VAT1L: variants seen among roughly 807,000 people sequenced by gnomAD.
VAT1L encodes the protein vesicle amine transport 1 like, also known as putative NADPH-dependent quinone oxidoreductase VAT1L.
VAT1L carries 34 observed loss-of-function variants against 44.1 expected under a neutral mutation model. The observed-to-expected ratio is 0.77, with a 90% CI of 0.59 to 1.03. The LOEUF (loss-of-function observed/expected upper bound fraction) is 1.03. VAT1L is among the 50% of genes least tolerant of loss of function. The pLI is 0.00. For synonymous variants in VAT1L, 253 were observed against 202.2 expected (o/e 1.25, Z -2.13); for missense variants, 615 against 538.8 (o/e 1.14, Z -1.40).
At chr16:77,895,569 G>A (rs1407376886) in intron 7 of VAT1L, among the ~76,000 whole-genome samples, 2 of 152,188 alleles carry the variant, frequency 1.3e-5, no homozygotes, top group South Asian at 2.1e-4. Context: ...GGAAGAGCCT[G>A]TAGAAGCCAG....
chr16:77,914,672 A>G (rs1156903400), intron 7 of VAT1L, among the ~76,000 whole-genome samples: 2 of 152,226 alleles, frequency 1.3e-5, no homozygotes, highest in Non-Finnish European at 1.5e-5. Context: ...ATCAGATTTA[A>G]TAACACCAAA....
At chr16:77,817,415 A>G (rs1197667400) in intron 2 of VAT1L, among the ~76,000 whole-genome samples, 2 of 152,192 alleles carry the variant, frequency 1.3e-5, no homozygotes, top group Non-Finnish European at 2.9e-5. Flanking sequence ...CAACTACAAA[A>G]CACAGAAGTG....
chr16:77,887,166 G>A (rs538578881), intron 7 of VAT1L, among the ~76,000 whole-genome samples: 3 of 152,108 alleles, frequency 2.0e-5, no homozygotes, highest in Admixed American at 6.6e-5. Flanking sequence ...AAAACAAAGG[G>A]GTGAAGAACA....
intron 7 of VAT1L, among the ~76,000 whole-genome samples, chr16:77,905,433 G>A (rs2017427718): frequency 6.6e-6 from 1 of 152,050 alleles, no homozygotes; most frequent in Non-Finnish European, 1.5e-5. Flanking sequence ...GGTTTTTTCA[G>A]AAGTTCCCTG....
intron 7 of VAT1L, among the ~76,000 whole-genome samples, chr16:77,927,168 C>G (rs1435050742): frequency 6.6e-6 from 1 of 151,806 alleles, no homozygotes; most frequent in Non-Finnish European, 1.5e-5. Context: ...GAAATCTCAT[C>G]TCTACTAAAA....
intron 7 of VAT1L, among the ~76,000 whole-genome samples, chr16:77,951,011 T>A (rs1203454421): frequency 6.6e-6 from 1 of 152,198 alleles, no homozygotes; most frequent in African/African-American, 2.4e-5. Flanking sequence ...AGCCATTGTA[T>A]AGGTTTTGGA....
At chr16:77,798,502 G>A (rs1344331766) in intron 1 of VAT1L, among the ~76,000 whole-genome samples, 2 of 152,178 alleles carry the variant, frequency 1.3e-5, no homozygotes, top group Non-Finnish European at 2.9e-5. Flanking sequence ...CAAGGATGTT[G>A]ATACATTTCA....
chr16:77,963,253 G>C (rs2018182971), intron 7 of VAT1L, among the ~76,000 whole-genome samples: 1 of 152,196 alleles, frequency 6.6e-6, no homozygotes, highest in East Asian at 1.9e-4. Flanking sequence ...GATTAAGTTA[G>C]GGACTTGGGG....
chr16:77,793,782 G>C (rs2015878710), intron 1 of VAT1L, among the ~76,000 whole-genome samples: 1 of 152,170 alleles, frequency 6.6e-6, no homozygotes, highest in Non-Finnish European at 1.5e-5. Flanking sequence ...AATGGGCTGA[G>C]GGCAGGCCAC....
At chr16:77,818,722 GC>G (rs1267002676) in intron 2 of VAT1L, among the ~76,000 whole-genome samples, 3 of 152,136 alleles carry the variant, frequency 2.0e-5, no homozygotes, top group African/African-American at 7.2e-5. Flanking sequence ...TTACTATCAA[GC>G]CCACCCATTA....
At chr16:77,887,284 T>C (rs1338909266) in intron 7 of VAT1L, among the ~76,000 whole-genome samples, 1 of 152,208 alleles carries the variant, frequency 6.6e-6, no homozygotes, top group Non-Finnish European at 1.5e-5. Context: ...TGGGTTTTAC[T>C]CTAAGCAGCA....
At chr16:77,804,607 C>A (rs962810223) in intron 1 of VAT1L, among the ~76,000 whole-genome samples, 2 of 152,162 alleles carry the variant, frequency 1.3e-5, no homozygotes, top group African/African-American at 4.8e-5. Flanking sequence ...TCACTTCCTC[C>A]CTCCTCTCTG....
chr16:77,966,659 C>T (rs2018225910), intron 7 of VAT1L, among the ~76,000 whole-genome samples: 1 of 152,092 alleles, frequency 6.6e-6, no homozygotes, highest in Non-Finnish European at 1.5e-5. Context: ...GCCATATTTT[C>T]AAAACTACAA....
chr16:77,908,420 C>T (rs186529036), intron 7 of VAT1L, among the ~76,000 whole-genome samples: 38 of 141,072 alleles, frequency 2.7e-4, no homozygotes, highest in East Asian at 1.1e-3. Context: ...GCCGAGATAG[C>T]GCCACTGCCC....
At chr16:77,874,501 GCCACACT>G (rs1429314520) in intron 4 of VAT1L, among the ~76,000 whole-genome samples, 2 of 152,050 alleles carry the variant, frequency 1.3e-5, no homozygotes, top group African/African-American at 2.4e-5. Context: ...TCATACTCCA[GCCACACT>G]GGCTGCTTCC....
chr16:77,920,023 G>C (rs1430975261), intron 7 of VAT1L, among the ~76,000 whole-genome samples: 1 of 152,158 alleles, frequency 6.6e-6, no homozygotes, highest in Non-Finnish European at 1.5e-5. Flanking sequence ...GGCAGAGATT[G>C]CAGTGAGTCA....
chr16:77,928,445 A>G (rs2017693066), intron 7 of VAT1L, among the ~76,000 whole-genome samples: 1 of 152,314 alleles, frequency 6.6e-6, no homozygotes, highest in South Asian at 2.1e-4. Flanking sequence ...TCATCTTTTA[A>G]AAGATCAAGT....
chr16:77,830,523 A>G (rs11863935), intron 3 of VAT1L, among the ~76,000 whole-genome samples: 1,708 of 152,274 alleles, frequency 0.011, 31 homozygotes, highest in African/African-American at 0.037. Flanking sequence ...TTCTTGTGAT[A>G]CGGAGTAATT....
Position 77,862,747 on chromosome 16 carries a change from G to A in VAT1L, c.580-1G>A. The A allele has an allele frequency of 1.2e-6, 2 of 1,613,010 alleles. No homozygotes were observed. Among genetic ancestry groups the A allele is most frequent in the Non-Finnish European group, 1.7e-6 (2 of 1,179,620 alleles). On this transcript the variant is annotated splice_acceptor_variant, in intron 3 of 8. Coordinates refer to ENST00000302536, the MANE Select transcript of VAT1L (RefSeq NM_020927.3). LOFTEE classifies it high-confidence loss of function. ...ACATAGCTATTGTCTTTTCCTTCCAGGGTCAAGCTGTGGCTCAGCTGTGTT... is the reference window on the plus strand; with the variant it reads ...ACATAGCTATTGTCTTTTCCTTCCAAGGTCAAGCTGTGGCTCAGCTGTGTT...
Sources: allele counts gnomAD v4.1 joint callset (sites outside exome capture counted in the v4.1 genomes callset), GRCh38; gene constraint gnomAD v4.1.1; transcripts MANE v1.5; gene names NCBI Gene and HGNC (gene_info 2026-07-23, HGNC 2026-07-21).